The following PRRC2A variants were observed in gnomAD, a reference collection of about 807,000 sequenced individuals.
The protein encoded by PRRC2A is proline rich coiled-coil 2A.
PRRC2A carries 59 observed loss-of-function variants against 224.6 expected under a neutral mutation model. The ratio of observed to expected loss-of-function variants is 0.26; its 90% CI spans 0.21 to 0.33. PRRC2A has a LOEUF of 0.33. Among genes scored for constraint, PRRC2A ranks in the 10% least tolerant of loss-of-function variants. The pLI is 1.00. For synonymous variants in PRRC2A, 1,194 were observed against 1,109.5 expected, an observed-to-expected ratio of 1.08 and a Z score of -1.51; for missense variants, 3,095 against 2,880.7, an observed-to-expected ratio of 1.07 and a Z score of -1.70.
intron 2 of PRRC2A, 169 bp downstream of exon 2, chr6:31,623,070 C>T (rs1232602886): frequency 1.3e-6 from 1 of 767,640 alleles, no homozygotes; most frequent in Non-Finnish European, 2.4e-6. Context: ...TCTGGGTGAA[C>T]ACCAGTTATC....
At position 31,625,764 on chromosome 6, in the gene PRRC2A, G is replaced by T; in HGVS notation, c.760-28G>T. The T allele has an allele frequency of 1.3e-6, 2 of 1,556,712 alleles. No homozygotes were observed. The highest frequency in any genetic ancestry group is 1.8e-6 in the Non-Finnish European group (2 of 1,127,978). Reference sequence around the variant, plus strand: ...TAGAAGGGTATATGACTGTCCCTCTGAGCAGCTACTGTTGGACCCTTTTAC... The same window carrying T: ...TAGAAGGGTATATGACTGTCCCTCTTAGCAGCTACTGTTGGACCCTTTTAC... On this transcript the variant is annotated intron_variant, in intron 7 of 30. Coordinates refer to ENST00000376033, the MANE Select transcript of PRRC2A (RefSeq NM_004638.4). This position sits in a 1 kb window ranked among gnomAD's most constrained non-coding sequence, Gnocchi z 4.1.
Position 31,634,919 on chromosome 6 carries a change from C to T in PRRC2A, c.5102C>T (p.Pro1701Leu). The change falls in exon 21 of 31, where the codon CCA becomes CTA. Residue 1701 changes from proline (P) to leucine (L), a missense_variant. This residue lies in a region of PRRC2A where 662 missense variants were observed against 609.5 expected (regional missense o/e 1.09). Coordinates refer to ENST00000376033, the MANE Select transcript of PRRC2A (RefSeq NM_004638.4). ...CTGAATGCTGTTCCTTGTGAGGGTC[C>T]ACCTGGCTCTGAACCTCCTAGGAGA... ...SPLNAVPCEG[P>L]PGSEPPRRPP... The T allele has an allele frequency of 1.2e-6, 2 of 1,612,966 alleles. No homozygotes were observed. Among genetic ancestry groups the T allele is most frequent in the Non-Finnish European group, 1.7e-6 (2 of 1,180,010 alleles).
chr6:31,631,032 C>T lies in PRRC2A; in HGVS notation c.2466-107C>T. 1.5e-6 allele frequency: 2 copies of T among 1,316,882 alleles called. No individual in the cohort carries two copies. The highest frequency in any genetic ancestry group is 2.1e-6 in the Non-Finnish European group (2 of 963,394). 81.6% of individuals were successfully genotyped at this position (1,316,882 alleles called of 1,614,324 possible). On this transcript the variant is annotated intron_variant, in intron 15 of 30. Coordinates refer to ENST00000376033, the MANE Select transcript of PRRC2A (RefSeq NM_004638.4). The surrounding 1 kb of genome is among the most constrained non-coding windows in gnomAD (Gnocchi z 4.5). Reference sequence around the variant, plus strand: ...TGGATGCCATCTCTGCCAAAACAAACAGAAAAATAGTAAAAGAGAGTCTGC... The same window carrying T: ...TGGATGCCATCTCTGCCAAAACAAATAGAAAAATAGTAAAAGAGAGTCTGC...
rs1776727720 is a variant in PRRC2A at position 31,632,349 on chromosome 6, A to C, written c.3676A>C (p.Ser1226Arg). The change falls in exon 16 of 31, where the codon AGC (serine) becomes CGC (arginine). Residue 1226 changes from serine (S) to arginine (R), a missense_variant. By Grantham distance (110) the Ser-to-Arg change is moderately radical. Coordinates refer to ENST00000376033, the MANE Select transcript of PRRC2A (RefSeq NM_004638.4). ...TCTGTCCCCTGTGGCGCGCGGAGGCAGCAATGGAGGTAGCAATGTGGGCAT... is the reference window on the plus strand; with the variant it reads ...TCTGTCCCCTGTGGCGCGCGGAGGCCGCAATGGAGGTAGCAATGTGGGCAT... Reference protein sequence around the residue: ...GPLSPVARGGSNGGSNVGMED... With the variant: ...GPLSPVARGGRNGGSNVGMED... 6.2e-7 allele frequency: 1 copy of C among 1,613,370 alleles called. No individual in the cohort carries two copies. Among genetic ancestry groups the C allele is most frequent in the Non-Finnish European group, 8.5e-7 (1 of 1,179,952 alleles).
intron 2 of PRRC2A, chr6:31,623,259 ATTTTTTTTTT>A (rs3993756): frequency 0.027 from 8,722 of 324,042 alleles, 143 homozygotes; most frequent in Non-Finnish European, 0.027. Flanking sequence ...GATTTCATAG[ATTTTTTTTTT>A]TTTTTTTTTT....
At position 31,627,070 on chromosome 6, in the gene PRRC2A, C is replaced by T; in HGVS notation, c.1162C>T (p.Pro388Ser). Residue 388 changes from proline (P) to serine (S), a missense_variant, in exon 11 of 31, where the codon CCT (proline) becomes TCT (serine). Physicochemically the swap from Pro to Ser is moderately conservative, Grantham distance 74 (BLOSUM62 -1). Around this residue, in one of 8 missense-constraint regions of PRRC2A, gnomAD observed 2,001 missense variants for 1,764.9 expected, o/e 1.13. Transcript: ENST00000376033. The surrounding 1 kb of genome is among the most constrained non-coding windows in gnomAD (Gnocchi z 5.6). ...CTCCCCCAACAGCGAACCGCCCACT[C>T]CTAAGACGGCCTGGGCAGAAACCTC... ...GNSPNSEPPT[P>S]KTAWAETSRP... The T allele has an allele frequency of 1.9e-6, 3 of 1,614,202 alleles. No individual in the cohort carries two copies. The highest frequency in any genetic ancestry group is 2.5e-6 in the Non-Finnish European group (3 of 1,180,038).
At position 31,634,848 on chromosome 6, in the gene PRRC2A, G is replaced by A. The variant is rs541690379; in HGVS notation, c.5031G>A (p.Lys1677=). The A allele has an allele frequency of 1.5e-4, 235 of 1,613,022 alleles. No homozygotes were observed. The East Asian group carries it at 3.6e-3, about 25-fold the overall frequency. The change falls in exon 21 of 31, where the codon AAG becomes AAA. Residue 1677 remains lysine (K), a synonymous_variant. Coordinates refer to ENST00000376033, the MANE Select transcript of PRRC2A (RefSeq NM_004638.4). ...SQRSSPDGGL[K]GAAEGPPKRP... ...GAAGTTCCCCTGATGGAGGACTCAA[G>A]GGGGCAGCAGAGGGACCCCCCAAGA... is the stretch of plus-strand genomic sequence containing the variant.
rs377322106 is a variant in PRRC2A, at chr6:31,623,717, C to G, written c.113-15C>G. 3.1e-6 allele frequency: 5 copies of G among 1,613,294 alleles called. No homozygotes were observed. In the South Asian group the frequency reaches 4.4e-5, roughly 14 times the overall value. On this transcript the variant is annotated splice_polypyrimidine_tract_variant and intron_variant, in intron 2 of 30. Transcript: ENST00000376033. ...CATGAGGCATTTTCGACCCTCTCTC[C>G]GTCTTGTTCTCCAGTTGCCCCTCGC...
At position 31,623,706 on chromosome 6, in the gene PRRC2A, G is replaced by A. The variant is rs747422496; in HGVS notation, c.113-26G>A. ...CAGATCTCCCACATGAGGCATTTTCGACCCTCTCTCCGTCTTGTTCTCCAG... is the reference window on the plus strand; with the variant it reads ...CAGATCTCCCACATGAGGCATTTTCAACCCTCTCTCCGTCTTGTTCTCCAG... On this transcript the variant is annotated intron_variant, in intron 2 of 30. Coordinates refer to ENST00000376033, the MANE Select transcript of PRRC2A (RefSeq NM_004638.4). 2.7e-5 allele frequency: 43 copies of A among 1,611,204 alleles called. No individual in the cohort carries two copies. In the Admixed American group the frequency reaches 3.8e-4, roughly 14 times the overall value.
chr6:31,629,554 C>T lies in PRRC2A; in HGVS notation c.1963C>T (p.Leu655Phe). ...GTCTTTCCTCCTTTCCTAGGAGCAG[C>T]TCCTGAAGCAGCAGCAGCAGCACCA... ...PRFQRQQQEQ[L>F]LKQQQQHQWQ... is the part of the protein sequence containing the mutation. Residue 655 changes from leucine to phenylalanine, a missense_variant, in exon 14 of 31, where the codon CTC (leucine) becomes TTC (phenylalanine). Transcript: ENST00000376033. The T allele has an allele frequency of 6.4e-7, 1 of 1,555,112 alleles. No individual in the cohort carries two copies. Among genetic ancestry groups the T allele is most frequent in the Non-Finnish European group, 8.9e-7 (1 of 1,127,760 alleles).
rs987749241 is a variant in PRRC2A, at chr6:31,631,391, C to T, written c.2718C>T (p.Val906=). ...CAGGCCGAAAGCCTGCCCGCGGAGT[C>T]GGGAGTGGAGGCCAGGGCCCCCCAC... is the stretch of plus-strand genomic sequence containing the variant. ...PEAGRKPARG[V]GSGGQGPPPP... Residue 906 remains valine (V), a synonymous_variant, in exon 16 of 31, where the codon GTC becomes GTT. Transcript: ENST00000376033. This position sits in a 1 kb window ranked among gnomAD's most constrained non-coding sequence, Gnocchi z 4.5. The T allele has an allele frequency of 1.4e-5, 23 of 1,606,984 alleles. No homozygotes were observed. The highest frequency in any genetic ancestry group is 4.0e-5 in the African/African-American group (3 of 74,584).
intron 30 of PRRC2A, 54 bp from the exon 31 acceptor site, chr6:31,637,392 C>T: frequency 1.2e-6 from 2 of 1,602,654 alleles, no homozygotes; most frequent in South Asian, 1.1e-5. Context: ...GTCCTTCCGT[C>T]TCATCGCTGA....
rs1442452028 is a variant in PRRC2A at position 31,625,031 on chromosome 6, C to T, written c.464-140C>T. On this transcript the variant is annotated intron_variant, in intron 5 of 30. Transcript: ENST00000376033. This position sits in a 1 kb window ranked among gnomAD's most constrained non-coding sequence, Gnocchi z 4.1. ...GCCAGGATGGTCTCGATCTCTTGAC[C>T]TCGTGATCCGCCCGCCTCAGCCTCC... The T allele has an allele frequency of 1.3e-5, 12 of 943,382 alleles. No homozygotes were observed. Among genetic ancestry groups the T allele is most frequent in the Non-Finnish European group, 1.8e-5 (11 of 621,738 alleles). 58.4% of individuals were successfully genotyped at this position (943,382 alleles called of 1,614,324 possible).
Position 31,622,653 on chromosome 6 carries a change from C to A in PRRC2A, c.-100-37C>A, listed in dbSNP as rs1014070679. 4.6e-6 allele frequency: 3 copies of A among 656,132 alleles called. No individual in the cohort carries two copies. In the African/African-American group the frequency reaches 5.5e-5, roughly 12 times the overall value. The allele number at this position is 656,132 out of a possible 1,614,324, so 40.6% of individuals were successfully genotyped here. On this transcript the variant is annotated intron_variant, in intron 1 of 30. Transcript: ENST00000376033. ...CATATCTGAGTCCCTAATGATAATG[C>A]AATGGAGTTTTTAAGTTTCTGTTAT...
In PRRC2A at chr6:31,636,490, T is replaced by C. The variant is rs754628557; in HGVS notation, c.5836-20T>C. The C allele has an allele frequency of 1.2e-5, 20 of 1,608,760 alleles. No individual in the cohort carries two copies. The African/African-American group carries it at 2.3e-4, about 18-fold the overall frequency. On this transcript the variant is annotated intron_variant, in intron 26 of 30. Coordinates refer to ENST00000376033, the MANE Select transcript of PRRC2A (RefSeq NM_004638.4). This position sits in a 1 kb window ranked among gnomAD's most constrained non-coding sequence, Gnocchi z 4.3. The stretch of plus-strand genomic sequence containing the variant: ...AATGATTTTGTGGGGGTTGATATAT[T>C]TCTCCCTGTTTCCCGACAGGTACGC...
At position 31,631,816 on chromosome 6, in the gene PRRC2A, G is replaced by GA; in HGVS notation, c.3144dup (p.Ala1049SerfsTer16). ...GGGACCTATGGGGGACGAGGGCGGG[G>GA]AGCCCGAAGCCGGGAATTCCGCAGT... is the stretch of plus-strand genomic sequence containing the variant. On this transcript the variant is annotated frameshift_variant, in exon 16 of 31. Transcript: ENST00000376033. LOFTEE classifies it high-confidence loss of function. This position sits in a 1 kb window ranked among gnomAD's most constrained non-coding sequence, Gnocchi z 4.5. 1 of 1,593,604 alleles carries GA rather than the reference G, an allele frequency of 6.3e-7. No homozygotes were observed. Among genetic ancestry groups the GA allele is most frequent in the Non-Finnish European group, 8.6e-7 (1 of 1,168,208 alleles).
chr6:31,627,087 A>G lies in PRRC2A; in HGVS notation c.1179A>G (p.Ala393=). 1.9e-6 allele frequency: 3 copies of G among 1,614,192 alleles called. No homozygotes were observed. The highest frequency in any genetic ancestry group is 8.5e-7 in the Non-Finnish European group (1 of 1,180,026). Residue 393 remains alanine, a synonymous_variant, in exon 11 of 31, where the codon GCA becomes GCG. Coordinates refer to ENST00000376033, the MANE Select transcript of PRRC2A (RefSeq NM_004638.4). This position sits in a 1 kb window ranked among gnomAD's most constrained non-coding sequence, Gnocchi z 5.6. ...CGCCCACTCCTAAGACGGCCTGGGCAGAAACCTCTCGGCCTCCAGAGACAG... is the reference window on the plus strand; with the variant it reads ...CGCCCACTCCTAAGACGGCCTGGGCGGAAACCTCTCGGCCTCCAGAGACAG... The part of the protein sequence containing the change: ...SEPPTPKTAW[A]ETSRPPETEP...
rs972387526 is a variant in PRRC2A at position 31,622,713 on chromosome 6, T to C, written c.-77T>C. The C allele has an allele frequency of 2.7e-5, 28 of 1,019,744 alleles. 1 individual carries two copies. In the South Asian group the frequency reaches 3.5e-4, roughly 13 times the overall value. 63.2% of individuals were successfully genotyped at this position (1,019,744 alleles called of 1,614,324 possible). A position where few individuals can be genotyped will look rare whatever the true frequency, so the allele number is the denominator to read the frequency against. On this transcript the variant is annotated 5_prime_UTR_variant, in exon 2 of 31. Transcript: ENST00000376033. The stretch of plus-strand genomic sequence containing the variant: ...AGGGGACAGAGACTGAGACACTTGC[T>C]GTCTGGCCCACAGGCTCTGGCACGT...
At position 31,625,357 on chromosome 6, in the gene PRRC2A, C is replaced by G. The variant is rs749661636; in HGVS notation, c.607+43C>G. 6.2e-7 allele frequency: 1 copy of G among 1,614,096 alleles called. No individual in the cohort carries two copies. The highest frequency in any genetic ancestry group is 1.1e-5 in the South Asian group (1 of 91,088). On this transcript the variant is annotated intron_variant, in intron 6 of 30. Transcript: ENST00000376033. The surrounding 1 kb of genome is among the most constrained non-coding windows in gnomAD (Gnocchi z 4.1). Reference sequence around the variant, plus strand: ...GGCCAAGACATTACCTATTGCATCTCAGAGCTAGGTGCTGGCTTATTCACC... The same window carrying G: ...GGCCAAGACATTACCTATTGCATCTGAGAGCTAGGTGCTGGCTTATTCACC...
Sources: allele counts gnomAD v4.1 joint callset, GRCh38; gene constraint gnomAD v4.1.1; regional missense constraint gnomAD v4.1.1; non-coding constraint Gnocchi (gnomAD v3.1); transcripts MANE v1.5; gene names NCBI Gene and HGNC (gene_info 2026-07-23, HGNC 2026-07-21).